Variants in GUCY1B1 observed in about 807,000 individuals in gnomAD.
GUCY1B1 encodes guanylate cyclase 1 soluble subunit beta 1, also known as guanylate cyclase soluble subunit beta-1.
A neutral mutation model predicts 71.0 loss-of-function variants in GUCY1B1; 43 were observed. The ratio of observed to expected loss-of-function variants is 0.61; its 90% CI spans 0.47 to 0.78. The LOEUF (loss-of-function observed/expected upper bound fraction) is 0.78. GUCY1B1 is among the 30% of genes least tolerant of loss of function. The pLI, the probability that GUCY1B1 is intolerant of heterozygous loss-of-function variation, is 0.00. For synonymous variants in GUCY1B1, 266 were observed against 259.7 expected (o/e 1.02, Z -0.23); for missense variants, 535 against 754.1 (o/e 0.71, Z 3.40).
At chr4:155,761,821 A>G (rs924205032) in intron 2 of GUCY1B1, among the ~76,000 whole-genome samples, 1 of 152,238 alleles carries the variant, frequency 6.6e-6, no homozygotes, top group Non-Finnish European at 1.5e-5. Context: ...AAAAATTCCA[A>G]TCATCCACAA....
Position 155,793,986 on chromosome 4 carries a change from G to A in GUCY1B1, c.626G>A (p.Ser209Asn), listed in dbSNP as rs756416698. 3.1e-6 allele frequency: 5 copies of A among 1,611,294 alleles called. No individual in the cohort carries two copies. The African/African-American group carries it at 5.3e-5, about 17-fold the overall frequency. Reference sequence around the variant, plus strand: ...AATGGTACCCAGGAATCACGCATCAGCCCATATACATTCTGCAAAGCTTTT... The same window carrying A: ...AATGGTACCCAGGAATCACGCATCAACCCATATACATTCTGCAAAGCTTTT... The part of the protein sequence containing the change: ...EENGTQESRI[S>N]PYTFCKAFPF... The change falls in exon 6 of 14, where the codon AGC becomes AAC. Residue 209 changes from serine to asparagine, a missense_variant. Transcript: ENST00000264424.
intron 2 of GUCY1B1, among the ~76,000 whole-genome samples, chr4:155,763,074 C>T (rs28540222): frequency 0.013 from 1,978 of 152,222 alleles, 49 homozygotes; most frequent in African/African-American, 0.046. Context: ...AGTGATACAT[C>T]CTAGAAAAGC....
At position 155,793,980 on chromosome 4, in the gene GUCY1B1, G is replaced by A. The variant is rs369391839; in HGVS notation, c.620G>A (p.Arg207His). Reference sequence around the variant, plus strand: ...GAAGAAAATGGTACCCAGGAATCACGCATCAGCCCATATACATTCTGCAAA... The same window carrying A: ...GAAGAAAATGGTACCCAGGAATCACACATCAGCCCATATACATTCTGCAAA... The part of the protein sequence containing the change: ...RFEENGTQES[R>H]ISPYTFCKAF... Residue 207 changes from arginine to histidine, a missense_variant, in exon 6 of 14, where the codon CGC (arginine) becomes CAC (histidine). Physicochemically the swap from Arg to His is conservative, Grantham distance 29. Transcript: ENST00000264424. 1.2e-5 allele frequency: 19 copies of A among 1,609,410 alleles called. No homozygotes were observed. The highest frequency in any genetic ancestry group is 4.0e-5 in the African/African-American group (3 of 74,824).
chr4:155,764,485 T>C (rs1052355165), intron 2 of GUCY1B1, among the ~76,000 whole-genome samples: 1 of 152,240 alleles, frequency 6.6e-6, no homozygotes, highest in Non-Finnish European at 1.5e-5. Flanking sequence ...CTTGTTCTTC[T>C]GTTGCCAGGT....
In GUCY1B1 at chr4:155,806,720, T is replaced by G. The variant is rs1014388981; in HGVS notation, c.*311T>G. 3.9e-5 allele frequency: 12 copies of G among 310,086 alleles called. No homozygotes were observed. The highest frequency in any genetic ancestry group is 2.2e-4 in the African/African-American group (10 of 46,366). 19.2% of individuals were successfully genotyped at this position (310,086 alleles called of 1,614,324 possible). On this transcript the variant is annotated 3_prime_UTR_variant, in exon 14 of 14. Coordinates refer to ENST00000264424, the MANE Select transcript of GUCY1B1 (RefSeq NM_000857.5). ...TGATCTGCAAGTAGTAGGCACCCAA[T>G]AAATATTTGTTGAATTTAGTTAAAT... is the stretch of plus-strand genomic sequence containing the variant.
At chr4:155,786,930 A>G (rs186737635) in intron 4 of GUCY1B1, among the ~76,000 whole-genome samples, 1 of 152,268 alleles carries the variant, frequency 6.6e-6, no homozygotes, top group Admixed American at 6.5e-5. Context: ...TAAGTGAGCC[A>G]ACAACACAGT....
intron 4 of GUCY1B1, among the ~76,000 whole-genome samples, chr4:155,789,071 G>A (rs1738985682): frequency 6.6e-6 from 1 of 152,126 alleles, no homozygotes; most frequent in Non-Finnish European, 1.5e-5. Context: ...CAATTTATTA[G>A]TTTTCCTAGA....
rs553548518 is a variant in GUCY1B1 at position 155,805,855 on chromosome 4, G to T, written c.1837-531G>T. On this transcript the variant is annotated intron_variant, in intron 13 of 13. Transcript: ENST00000264424. ...GTGCTAGAATGGACTTCAGAACAGT[G>T]GCACATCCAAAGTGGAATCACACCT... Among the ~76,000 whole-genome samples, 3 of 152,234 alleles carry T rather than the reference G, an allele frequency of 2.0e-5. No homozygotes were observed. In the South Asian group the frequency reaches 6.2e-4, roughly 32 times the overall value.
At chr4:155,780,584 G>T (rs1450055586) in intron 4 of GUCY1B1, among the ~76,000 whole-genome samples, 1 of 152,118 alleles carries the variant, frequency 6.6e-6, no homozygotes, top group Non-Finnish European at 1.5e-5. Flanking sequence ...CTTCACAGAT[G>T]CAATCTGTAT....
intron 2 of GUCY1B1, among the ~76,000 whole-genome samples, chr4:155,772,980 C>T (rs1341678017): frequency 6.6e-6 from 1 of 152,238 alleles, no homozygotes; most frequent in Non-Finnish European, 1.5e-5. Flanking sequence ...CAGATATAGT[C>T]ATGAGTGGCA....
At chr4:155,761,689 G>T (rs1737006480) in intron 2 of GUCY1B1, among the ~76,000 whole-genome samples, 1 of 152,098 alleles carries the variant, frequency 6.6e-6, no homozygotes, top group African/African-American at 2.4e-5. Flanking sequence ...CAATTGACGA[G>T]AATTTAACTC....
chr4:155,777,859 T>C (rs1738162148), intron 4 of GUCY1B1, among the ~76,000 whole-genome samples: 1 of 152,216 alleles, frequency 6.6e-6, no homozygotes, highest in East Asian at 1.9e-4. Context: ...TTGCTGATAC[T>C]GAATATGCAA....
chr4:155,759,980 T>G (rs2110942109), intron 2 of GUCY1B1, 120 bp downstream of exon 2: 2 of 652,580 alleles, frequency 3.1e-6, no homozygotes, highest in South Asian at 1.9e-5. Flanking sequence ...TGGAGGTGCC[T>G]CCGCGCCTCG....
intron 4 of GUCY1B1, among the ~76,000 whole-genome samples, chr4:155,780,830 A>G (rs1490580270): frequency 2.0e-5 from 3 of 152,222 alleles, no homozygotes; most frequent in African/African-American, 7.2e-5. Flanking sequence ...ATCCTAAATT[A>G]CTGTTTATTA....
intron 4 of GUCY1B1, among the ~76,000 whole-genome samples, chr4:155,786,898 C>T (rs565554958): frequency 1.2e-3 from 188 of 152,226 alleles, no homozygotes; most frequent in African/African-American, 4.3e-3. Flanking sequence ...TGTGAGAGCA[C>T]GCCTGGCCTC....
chr4:155,794,095 A>T lies in GUCY1B1; in HGVS notation c.726+9A>T. 6.9e-7 allele frequency: 1 copy of T among 1,438,946 alleles called. No homozygotes were observed. Among genetic ancestry groups the T allele is most frequent in the South Asian group, 1.2e-5 (1 of 86,438 alleles). 89.1% of individuals were successfully genotyped at this position (1,438,946 alleles called of 1,614,324 possible). On this transcript the variant is annotated intron_variant, in intron 6 of 13. Transcript: ENST00000264424. Reference sequence around the variant, plus strand: ...ACAGAGTTCTCCCCCAGGTAAAATGACAGCATACTTCCTTGGGGCCTGAGA... The same window carrying T: ...ACAGAGTTCTCCCCCAGGTAAAATGTCAGCATACTTCCTTGGGGCCTGAGA...
chr4:155,799,999 A>G lies in GUCY1B1; in HGVS notation c.1100A>G (p.Gln367Arg). 7 of 1,613,770 alleles carry G rather than the reference A, an allele frequency of 4.3e-6. No homozygotes were observed. Among genetic ancestry groups the G allele is most frequent in the Non-Finnish European group, 5.9e-6 (7 of 1,179,694 alleles). The change falls in exon 9 of 14, where the codon CAA becomes CGA. Residue 367 changes from glutamine to arginine, a missense_variant. By Grantham distance (43) the Gln-to-Arg change is conservative. Transcript: ENST00000264424. ...EQFREEYKLTQELEILTDRLQ... is the reference protein window; with the variant it reads ...EQFREEYKLTRELEILTDRLQ... ...TTTAGAGAGGAATACAAACTCACCC[A>G]AGAACTGGAAATCCTCACTGACAGG... is the stretch of plus-strand genomic sequence containing the variant.
chr4:155,803,860 G>C (rs1212995163), intron 11 of GUCY1B1, 96 bp downstream of exon 11: 8 of 734,952 alleles, frequency 1.1e-5, no homozygotes, highest in Non-Finnish European at 1.6e-5. Flanking sequence ...CGTGTATAAA[G>C]AAGGGCATCT....
intron 3 of GUCY1B1, among the ~76,000 whole-genome samples, chr4:155,775,499 G>T (rs939268501): frequency 1.3e-5 from 2 of 152,096 alleles, no homozygotes; most frequent in Admixed American, 1.3e-4. Context: ...TCATCATGTT[G>T]TCCAGGTTGG....
Sources: gnomAD v4.1 joint callset for allele counts (sites outside exome capture counted in the v4.1 genomes callset) on GRCh38, gnomAD v4.1.1 for gene constraint, MANE v1.5 for transcripts, NCBI Gene and HGNC (gene_info 2026-07-23, HGNC 2026-07-21) for gene names.